The following GYPB variants were observed in gnomAD, a reference collection of about 807,000 sequenced individuals.
The protein encoded by GYPB is glycophorin B (MNS blood group), also known as glycophorin-B.
GYPB carries 13 observed loss-of-function variants against 15.3 expected under a neutral mutation model. The observed-to-expected ratio is 0.85, with a 90% CI of 0.55 to 1.35. The LOEUF is 1.35. GYPB is among the 40% of genes most tolerant of loss of function. The pLI is 0.00. For missense variants in GYPB, 131 were observed against 108.3 expected, an observed-to-expected ratio of 1.21 and a Z score of -0.93; for synonymous variants, 38 against 36.9, an observed-to-expected ratio of 1.03 and a Z score of -0.11.
At chr4:144,016,942 T>A (rs1728532334) in intron 1 of GYPB, 1 of 347,246 alleles carries the variant, frequency 2.9e-6, no homozygotes, top group Non-Finnish European at 5.7e-6. Flanking sequence ...CTGCTACCCT[T>A]TTCTTAAGCA....
In GYPB at chr4:144,008,957, C is replaced by T. The variant is rs186056497; in HGVS notation, c.38-7674G>A. 1.5e-3 allele frequency among the ~76,000 whole-genome samples: 223 copies of T among 151,448 alleles called. 17 individuals are homozygous for T. The highest frequency in any genetic ancestry group is 5.0e-3 in the African/African-American group (203 of 40,756). On this transcript the variant is annotated intron_variant, in intron 1 of 4. Transcript: ENST00000502664. The stretch of plus-strand genomic sequence containing the variant: ...GTTTCGAGGTCAATTCTTACATTTT[C>T]TATGGTTCTAGCGTCACCTTTATCT...
At chr4:144,000,548 A>G in intron 2 of GYPB, 1 of 385,834 alleles carries the variant, frequency 2.6e-6, no homozygotes. Flanking sequence ...ATCATGAAAG[A>G]CAAATTCTCC....
intron 1 of GYPB, among the ~76,000 whole-genome samples, chr4:144,015,853 C>G (rs910804028): frequency 6.6e-6 from 1 of 150,934 alleles, no homozygotes; most frequent in African/African-American, 2.5e-5. Context: ...ACCATCTACT[C>G]GGTGCTTGAT....
intron 4 of GYPB, 51 bp from the exon 5 acceptor site, chr4:143,996,355 G>A (rs1345963666): frequency 1.6e-5 from 25 of 1,549,798 alleles, no homozygotes; most frequent in Non-Finnish European, 2.1e-5. Context: ...TTGACCATGA[G>A]CTAAGACTCC....
intron 1 of GYPB, among the ~76,000 whole-genome samples, chr4:144,018,551 T>A (rs1445690934): frequency 6.6e-6 from 1 of 151,186 alleles, no homozygotes; most frequent in East Asian, 1.9e-4. Context: ...ACTATAATAT[T>A]CTCAGAAAGA....
intron 4 of GYPB, chr4:143,997,307 C>T (rs1405121195): frequency 2.6e-6 from 1 of 383,656 alleles, no homozygotes. Context: ...TTAGGGAGAT[C>T]TTTCATTGGG....
intron 1 of GYPB, among the ~76,000 whole-genome samples, chr4:144,010,908 G>A (rs1728183575): frequency 6.6e-6 from 1 of 151,334 alleles, no homozygotes; most frequent in Non-Finnish European, 1.5e-5. Context: ...AGAAACACAT[G>A]AAAGGATAAG....
Position 144,018,386 on chromosome 4 carries a change from A to G in GYPB, c.37+865T>C, listed in dbSNP as rs568200034. 7.0e-4 allele frequency among the ~76,000 whole-genome samples: 106 copies of G among 151,090 alleles called. 4 individuals carry two copies. The highest frequency in any genetic ancestry group is 3.4e-3 in the Middle Eastern group (1 of 294). The stretch of plus-strand genomic sequence containing the variant: ...GAAAATGCTGATCTCTCTTCCCTGT[A>G]TGCTACAGAGTGCTCAGTAGATCCT... On this transcript the variant is annotated intron_variant, in intron 1 of 4. Coordinates refer to ENST00000502664, the MANE Select transcript of GYPB (RefSeq NM_002100.6).
chr4:144,012,679 A>G (rs1247173744), intron 1 of GYPB: 1 of 151,644 alleles, frequency 6.6e-6, no homozygotes, highest in Non-Finnish European at 1.5e-5. Context: ...TCCATGGCCA[A>G]TTAACTTTCA....
At chr4:144,018,931 TCAAA>T (rs1358236485) in intron 1 of GYPB, among the ~76,000 whole-genome samples, 1 of 151,420 alleles carries the variant, frequency 6.6e-6, no homozygotes, top group Non-Finnish European at 1.5e-5. Context: ...TCCTTATAAC[TCAAA>T]CAAAGCAATA....
At chr4:144,008,504 C>G (rs2875046) in intron 1 of GYPB, 1 of 454,892 alleles carries the variant, frequency 2.2e-6, no homozygotes, top group Non-Finnish European at 4.4e-6. Flanking sequence ...TATTAACAGT[C>G]TGTTAAGTTG....
In GYPB at chr4:143,997,576, G is replaced by A. The variant is rs372113714; in HGVS notation, c.234C>T (p.Ile78=). Residue 78 remains isoleucine, a synonymous_variant, in exon 4 of 5, where the codon ATC becomes ATT. Transcript: ENST00000502664. The part of the protein sequence containing the change: ...LCVMAGIIGT[I]LLISYSIRRL... ...GGCGAATACTGTAAGAAATTAAGAGGATCGTTCCAATAATACCAGCCATCA... is the reference window on the plus strand; with the variant it reads ...GGCGAATACTGTAAGAAATTAAGAGAATCGTTCCAATAATACCAGCCATCA... 4.9e-5 allele frequency: 79 copies of A among 1,600,506 alleles called. 3 individuals are homozygous for A. The African/African-American group carries it at 6.6e-4, about 13-fold the overall frequency.
chr4:144,001,450 T>C (rs1462027812), intron 1 of GYPB, among the ~76,000 whole-genome samples, 167 bp from the exon 2 acceptor site: 4 of 151,506 alleles, frequency 2.6e-5, no homozygotes, highest in South Asian at 2.1e-4. Context: ...GTAAGTATTG[T>C]ATTATTGGCC....
intron 1 of GYPB, among the ~76,000 whole-genome samples, chr4:144,011,824 A>T (rs1211705577): frequency 5.3e-5 from 8 of 151,150 alleles, no homozygotes; most frequent in African/African-American, 2.0e-4. Flanking sequence ...ATGTTTTTGA[A>T]GTCTGAATCT....
At chr4:143,996,099 A>C (rs1344873222), downstream of GYPB, 2 of 1,370,502 alleles carry the variant, frequency 1.5e-6, no homozygotes, top group African/African-American at 1.5e-5. Flanking sequence ...ACTATAATAC[A>C]TGAAAACGGT....
chr4:143,997,230 C>T (rs533303876), intron 4 of GYPB: 15 of 232,396 alleles, frequency 6.5e-5, no homozygotes, highest in Non-Finnish European at 1.0e-4. Context: ...AGGTTAAATA[C>T]TATAAGAAGA....
chr4:144,013,618 A>T (rs1728332730), intron 1 of GYPB, among the ~76,000 whole-genome samples: 1 of 151,220 alleles, frequency 6.6e-6, no homozygotes, highest in Non-Finnish European at 1.5e-5. Flanking sequence ...TGTCCTTTGT[A>T]GGGACATGGA....
At chr4:144,018,810 C>G (rs774986485) in intron 1 of GYPB, among the ~76,000 whole-genome samples, 9 of 150,846 alleles carry the variant, frequency 6.0e-5, no homozygotes, top group South Asian at 2.1e-4. Context: ...CAGTGTTCAT[C>G]CTTTTGGCTT....
intron 1 of GYPB, among the ~76,000 whole-genome samples, chr4:144,001,503 G>A (rs547536726): frequency 6.6e-6 from 1 of 151,470 alleles, no homozygotes; most frequent in South Asian, 2.1e-4. Context: ...CAGAATTTTT[G>A]TACAGCAGAG....
Sources: allele counts gnomAD v4.1 joint callset (sites outside exome capture counted in the v4.1 genomes callset), GRCh38; gene constraint gnomAD v4.1.1; transcripts MANE v1.5; gene names NCBI Gene and HGNC (gene_info 2026-07-23, HGNC 2026-07-21).